Variants in ABCD3 observed in about 807,000 individuals in gnomAD.
ABCD3 encodes the protein ATP-binding cassette sub-family D member 3.
In ABCD3, 41 loss-of-function variants were observed where a neutral mutation model predicts 105.5. The observed-to-expected ratio is 0.39, with a 90% CI of 0.30 to 0.50. The LOEUF is 0.50. Ranked by LOEUF, ABCD3 falls within the 20% of genes least tolerant of loss-of-function variation. The pLI, the probability that ABCD3 is intolerant of heterozygous loss-of-function variation, is 0.84. For synonymous variants in ABCD3, 258 were observed against 269.0 expected (o/e 0.96, Z 0.40); for missense variants, 622 against 806.3 (o/e 0.77, Z 2.77).
chr1:94,402,511 T>C, the ABCD3 span, among the ~76,000 whole-genome samples: 4 of 152,188 alleles, frequency 2.6e-5, no homozygotes, highest in Admixed American at 2.0e-4. Context: ...ATCCTTAGAA[T>C]ATGAATGTTC....
chr1:94,429,495 G>C (rs962115247), intron 1 of ABCD3, among the ~76,000 whole-genome samples: 1 of 152,140 alleles, frequency 6.6e-6, no homozygotes, highest in Non-Finnish European at 1.5e-5. Flanking sequence ...TGGTTTCATG[G>C]GTCCGTCCCA....
At chr1:94,475,393 T>A (rs1648687822) in intron 6 of ABCD3, among the ~76,000 whole-genome samples, 153 bp downstream of exon 6, 1 of 152,180 alleles carries the variant, frequency 6.6e-6, no homozygotes, top group African/African-American at 2.4e-5. Flanking sequence ...TTCAGTTATT[T>A]GGAATCTAGT....
intron 1 of ABCD3, 134 bp downstream of exon 1, chr1:94,418,722 TG>T: frequency 1.1e-6 from 1 of 890,368 alleles, no homozygotes; most frequent in Non-Finnish European, 1.7e-6. Flanking sequence ...GCGACTGCCG[TG>T]GGACTTCAAT....
At chr1:94,498,188 C>A (rs977984433) in intron 16 of ABCD3, among the ~76,000 whole-genome samples, 4 of 152,100 alleles carry the variant, frequency 2.6e-5, no homozygotes, top group Admixed American at 1.3e-4. Context: ...ACCTCAGCCT[C>A]CCAAGTAGCT....
At chr1:94,500,291 T>A (rs544430010) in intron 20 of ABCD3, among the ~76,000 whole-genome samples, 35 of 151,970 alleles carry the variant, frequency 2.3e-4, no homozygotes, top group African/African-American at 8.4e-4. Context: ...AAAAAAAATT[T>A]AAAAATTATC....
chr1:94,486,994 G>A (rs1402171098), intron 10 of ABCD3, among the ~76,000 whole-genome samples: 1 of 152,188 alleles, frequency 6.6e-6, no homozygotes, highest in Non-Finnish European at 1.5e-5. Flanking sequence ...TTTTAGACTT[G>A]TAGTTTTAAG....
upstream of ABCD3, among the ~76,000 whole-genome samples, chr1:94,415,334 A>C (rs1179421324): frequency 6.6e-6 from 1 of 152,180 alleles, no homozygotes; most frequent in African/African-American, 2.4e-5. Context: ...CTAACTTCCT[A>C]TGCCCTGCCT....
At chr1:94,507,236 C>T (rs1396965133) in intron 21 of ABCD3, among the ~76,000 whole-genome samples, 1 of 151,600 alleles carries the variant, frequency 6.6e-6, no homozygotes, top group Non-Finnish European at 1.5e-5. Flanking sequence ...TGAGAATATG[C>T]GGTGTTTAGT....
intron 20 of ABCD3, among the ~76,000 whole-genome samples, chr1:94,502,828 T>A (rs1650164430): frequency 2.0e-5 from 3 of 152,094 alleles, no homozygotes; most frequent in African/African-American, 7.2e-5. Flanking sequence ...TTTTGTGCAA[T>A]TCAGTAGCTG....
rs1659105534 is a variant in ABCD3, at chr1:94,418,418, G to A, written c.-61G>A. ...GTCTCCCCCGCGCTGCGTGCAGTAA[G>A]GTAGCCGCCGCCGCCGCCGCCGCCG... On this transcript the variant is annotated 5_prime_UTR_variant, in exon 1 of 23. Coordinates refer to ENST00000370214, the MANE Select transcript of ABCD3 (RefSeq NM_002858.4). The A allele has an allele frequency of 7.3e-7, 1 of 1,376,174 alleles. No individual in the cohort carries two copies. 85.2% of individuals were successfully genotyped at this position (1,376,174 alleles called of 1,614,324 possible). A position where few individuals can be genotyped will look rare whatever the true frequency, so the allele number is the denominator to read the frequency against.
intron 4 of ABCD3, among the ~76,000 whole-genome samples, chr1:94,469,785 C>T (rs934083511): frequency 6.6e-6 from 1 of 151,596 alleles, no homozygotes; most frequent in Non-Finnish European, 1.5e-5. Flanking sequence ...CCTGCCTCAG[C>T]CTCCTGAATA....
intron 1 of ABCD3, among the ~76,000 whole-genome samples, chr1:94,424,041 G>A (rs893922187): frequency 2.6e-5 from 4 of 152,190 alleles, no homozygotes; most frequent in South Asian, 4.2e-4. Context: ...ATATGGCCCC[G>A]TTTGGATCCT....
chr1:94,399,765 G>A, the ABCD3 span, among the ~76,000 whole-genome samples: 10 of 152,188 alleles, frequency 6.6e-5, no homozygotes, highest in South Asian at 2.1e-4. Context: ...CTCAGATGCC[G>A]CAGTGCTGCA....
chr1:94,507,274 AATG>A (rs1456848980), intron 21 of ABCD3, among the ~76,000 whole-genome samples: 1 of 152,080 alleles, frequency 6.6e-6, no homozygotes, highest in African/African-American at 2.4e-5. Flanking sequence ...GTTTACTGAG[AATG>A]ATGATTTCCA....
At chr1:94,498,548 T>A in intron 16 of ABCD3, 54 bp from the exon 17 acceptor site, 2 of 1,551,134 alleles carry the variant, frequency 1.3e-6, no homozygotes, top group Non-Finnish European at 1.8e-6. Context: ...GTTGATTAAG[T>A]ATATGTTAAT....
chr1:94,454,060 G>A (rs1647414982), intron 1 of ABCD3, among the ~76,000 whole-genome samples: 1 of 151,456 alleles, frequency 6.6e-6, no homozygotes. Context: ...GCATGCATAT[G>A]TGTATGTACT....
chr1:94,515,164 A>G lies in ABCD3; in HGVS notation c.1864A>G (p.Thr622Ala). The G allele has an allele frequency of 1.2e-6, 2 of 1,610,322 alleles. No homozygotes were observed. The highest frequency in any genetic ancestry group is 1.7e-6 in the Non-Finnish European group (2 of 1,177,438). Residue 622 changes from threonine to alanine, a missense_variant, in exon 22 of 23, where the codon ACT becomes GCT. Thr to Ala is a moderately conservative substitution (Grantham distance 58). Transcript: ENST00000370214. ...HCRKVGITLF[T>A]VSHRKSLWKH... is the part of the protein sequence containing the mutation. ...GTATTAGGTTGGCATCACTCTCTTC[A>G]CTGTGTCTCATAGGAAATCTCTTTG...
intron 16 of ABCD3, among the ~76,000 whole-genome samples, chr1:94,495,927 A>G (rs920351570): frequency 6.6e-6 from 1 of 152,016 alleles, no homozygotes; most frequent in South Asian, 2.1e-4. Flanking sequence ...TGATAAGGAA[A>G]TTGTGTTATT....
chr1:94,418,717 T>G (rs1255629506), intron 1 of ABCD3, 129 bp downstream of exon 1: 2 of 925,368 alleles, frequency 2.2e-6, no homozygotes, highest in Non-Finnish European at 1.6e-6. Context: ...CGACCGCGAC[T>G]GCCGTGGGAC....
Sources: allele counts gnomAD v4.1 joint callset (sites outside exome capture counted in the v4.1 genomes callset), GRCh38; gene constraint gnomAD v4.1.1; transcripts MANE v1.5; gene names NCBI Gene and HGNC (gene_info 2026-07-23, HGNC 2026-07-21).